RNF13: variants seen among roughly 807,000 people sequenced by gnomAD.
The protein encoded by RNF13 is E3 ubiquitin-protein ligase RNF13.
Under a neutral mutation model 37.7 loss-of-function variants are expected in RNF13, and 19 were observed. The ratio of observed to expected loss-of-function variants is 0.50; its 90% CI spans 0.35 to 0.74. RNF13 has a LOEUF of 0.74. RNF13 is among the 30% of genes least tolerant of loss of function. RNF13 has a pLI of 0.01. For synonymous variants in RNF13, 144 were observed against 157.8 expected, an observed-to-expected ratio of 0.91 and a Z score of 0.65; for missense variants, 375 against 453.0, an observed-to-expected ratio of 0.83 and a Z score of 1.56.
At chr3:149,941,717 T>G (rs150176533) in intron 8 of RNF13, among the ~76,000 whole-genome samples, 2 of 151,756 alleles carry the variant, frequency 1.3e-5, no homozygotes, top group Non-Finnish European at 2.9e-5. Flanking sequence ...ATTTTTTTCT[T>G]TTGTTGCCTG....
intron 7 of RNF13, among the ~76,000 whole-genome samples, chr3:149,915,729 G>C (rs1182064934): frequency 6.6e-6 from 1 of 152,156 alleles, no homozygotes; most frequent in Non-Finnish European, 1.5e-5. Context: ...TATGCTACGT[G>C]AAATAAGCCA....
At chr3:149,909,932 T>A (rs949547913) in intron 6 of RNF13, among the ~76,000 whole-genome samples, 37 of 135,726 alleles carry the variant, frequency 2.7e-4, no homozygotes, top group African/African-American at 1.0e-3. Flanking sequence ...CCTTAGGAAG[T>A]CATAAACATA....
At chr3:149,942,816 A>G (rs79345512) in intron 8 of RNF13, among the ~76,000 whole-genome samples, 4,053 of 152,232 alleles carry the variant, frequency 0.027, 69 homozygotes, top group South Asian at 0.037. Context: ...TTTGTTGACT[A>G]TGATGTTAAA....
intron 6 of RNF13, among the ~76,000 whole-genome samples, chr3:149,904,417 G>C (rs774430277): frequency 1.3e-5 from 2 of 151,946 alleles, no homozygotes; most frequent in Non-Finnish European, 2.9e-5. Context: ...CTGTTACTCT[G>C]TTGCCCAGGC....
chr3:149,948,947 G>C (rs1330855793), intron 8 of RNF13, among the ~76,000 whole-genome samples: 2 of 152,074 alleles, frequency 1.3e-5, no homozygotes, highest in African/African-American at 4.8e-5. Context: ...AGGATGGCTT[G>C]AGCCTGGGAG....
intron 6 of RNF13, among the ~76,000 whole-genome samples, chr3:149,903,965 G>GTCTGTCTGTCTA (rs1559940522): frequency 1.3e-5 from 2 of 151,176 alleles, no homozygotes; most frequent in African/African-American, 2.5e-5. Context: ...CTGTCTGTCT[G>GTCTGTCTGTCTA]TCTGTCTATC....
intron 8 of RNF13, among the ~76,000 whole-genome samples, chr3:149,928,521 G>A (rs1718871074): frequency 6.6e-6 from 1 of 151,822 alleles, no homozygotes; most frequent in African/African-American, 2.4e-5. Flanking sequence ...ACATTCCTTT[G>A]GTCTATATGA....
chr3:149,889,452 GTGC>G (rs1304515797), intron 4 of RNF13, among the ~76,000 whole-genome samples: 4 of 149,308 alleles, frequency 2.7e-5, no homozygotes, highest in East Asian at 4.0e-4. Context: ...CTACAGGCGT[GTGC>G]CACCATGCCC....
At position 149,947,366 on chromosome 3, in the gene RNF13, G is replaced by A. The variant is rs369069146; in HGVS notation, c.701-12690G>A. On this transcript the variant is annotated intron_variant, in intron 8 of 9. Transcript: ENST00000392894. ...TTACTGAAAGTGGGGTATTGAAGTC[G>A]CCTGTTAGTATTGTGTTGCTGCTCA... 1.3e-4 allele frequency among the ~76,000 whole-genome samples: 19 copies of A among 151,116 alleles called. No individual in the cohort carries two copies. The East Asian group carries it at 1.7e-3, about 14-fold the overall frequency.
chr3:149,832,443 C>T (rs760428363), intron 1 of RNF13, among the ~76,000 whole-genome samples: 53 of 152,146 alleles, frequency 3.5e-4, no homozygotes, highest in Non-Finnish European at 6.9e-4. Flanking sequence ...TTAGGATTTA[C>T]TGTGATGCTT....
At chr3:149,869,561 C>G (rs945763517) in intron 3 of RNF13, among the ~76,000 whole-genome samples, 25 of 151,430 alleles carry the variant, frequency 1.7e-4, no homozygotes, top group Non-Finnish European at 1.0e-4. Flanking sequence ...AGCCGAGATC[C>G]CGCCACTGCA....
At chr3:149,857,677 A>G (rs1723785393) in intron 3 of RNF13, among the ~76,000 whole-genome samples, 2 of 152,240 alleles carry the variant, frequency 1.3e-5, no homozygotes, top group Non-Finnish European at 1.5e-5. Context: ...GTATAAATAT[A>G]CTTTCCTACG....
intron 4 of RNF13, among the ~76,000 whole-genome samples, chr3:149,886,046 G>A (rs1713990208): frequency 6.6e-6 from 1 of 152,158 alleles, no homozygotes; most frequent in Non-Finnish European, 1.5e-5. Context: ...CACTGTAGGT[G>A]TGTGGATTTG....
chr3:149,907,154 C>T (rs1716500368), intron 6 of RNF13, among the ~76,000 whole-genome samples: 1 of 152,110 alleles, frequency 6.6e-6, no homozygotes, highest in African/African-American at 2.4e-5. Flanking sequence ...TGCAATTTGA[C>T]TAAATTCTCT....
chr3:149,913,313 T>C (rs572686863), intron 7 of RNF13, among the ~76,000 whole-genome samples: 1 of 152,324 alleles, frequency 6.6e-6, no homozygotes, highest in South Asian at 2.1e-4. Flanking sequence ...GCTATTCTTA[T>C]AATTGAGTAT....
intron 3 of RNF13, among the ~76,000 whole-genome samples, chr3:149,853,939 T>C (rs1027353032): frequency 3.3e-5 from 5 of 151,220 alleles, no homozygotes; most frequent in East Asian, 1.9e-4. Context: ...TGGGCTCAAG[T>C]GATCCTCCCA....
chr3:149,856,736 C>T (rs1723690315), intron 3 of RNF13, among the ~76,000 whole-genome samples: 1 of 151,976 alleles, frequency 6.6e-6, no homozygotes, highest in Non-Finnish European at 1.5e-5. Context: ...AGCTACTGCA[C>T]CTGGCCAAAA....
chr3:149,853,006 G>T (rs1576764945), intron 3 of RNF13, among the ~76,000 whole-genome samples: 1 of 151,580 alleles, frequency 6.6e-6, no homozygotes, highest in Non-Finnish European at 1.5e-5. Context: ...TCTTTTAATT[G>T]TATGTTTTGA....
At position 149,824,058 on chromosome 3, in the gene RNF13, C is replaced by A. The variant is rs998205688; in HGVS notation, c.-17+10705C>A. The stretch of plus-strand genomic sequence containing the variant: ...GTGCTCAAGAATGTTGGGAACATAT[C>A]AAAAAGACACAAAAGCTAGCTTGAA... On this transcript the variant is annotated intron_variant, in intron 1 of 9. Coordinates refer to ENST00000392894, the MANE Select transcript of RNF13 (RefSeq NM_183381.3). Among the ~76,000 whole-genome samples the A allele has an allele frequency of 2.0e-5, 3 of 152,164 alleles. No individual in the cohort carries two copies. In the East Asian group the frequency reaches 5.8e-4, roughly 29 times the overall value.
Sources: gnomAD v4.1 joint callset for allele counts (sites outside exome capture counted in the v4.1 genomes callset) on GRCh38, gnomAD v4.1.1 for gene constraint, MANE v1.5 for transcripts, NCBI Gene and HGNC (gene_info 2026-07-23, HGNC 2026-07-21) for gene names.